The following DENND5A variants were observed in gnomAD, a reference collection of about 807,000 sequenced individuals.
DENND5A encodes the protein DENN domain-containing protein 5A.
Under a neutral mutation model 140.3 loss-of-function variants are expected in DENND5A, and 64 were observed. That is an observed-to-expected ratio of 0.46 (90% CI 0.37 to 0.56). The LOEUF is 0.56. Among genes scored for constraint, DENND5A ranks in the 20% least tolerant of loss-of-function variants. The pLI is 0.00. For missense variants in DENND5A, 1,292 were observed against 1,593.8 expected (o/e 0.81, Z 3.22); for synonymous variants, 605 against 607.7 (o/e 1.00, Z 0.07).
chr11:9,261,295 G>A (rs187102700), intron 1 of DENND5A, among the ~76,000 whole-genome samples: 1 of 152,166 alleles, frequency 6.6e-6, no homozygotes, highest in East Asian at 1.9e-4. Flanking sequence ...TAAGTTAACT[G>A]TGTGGAGTGC....
chr11:9,149,977 G>A, intron 15 of DENND5A, 104 bp downstream of exon 15: 2 of 1,446,462 alleles, frequency 1.4e-6, no homozygotes, highest in Non-Finnish European at 1.8e-6. Flanking sequence ...TTAGCTGAAT[G>A]CAGCAGCAAT....
At chr11:9,162,296 T>C (rs1020257507) in intron 11 of DENND5A, among the ~76,000 whole-genome samples, 1 of 138,302 alleles carries the variant, frequency 7.2e-6, no homozygotes, top group Non-Finnish European at 1.5e-5. Flanking sequence ...TGGAGTGCAA[T>C]GGCACAATCT....
chr11:9,246,340 G>A (rs1181884459), intron 1 of DENND5A, among the ~76,000 whole-genome samples: 1 of 151,900 alleles, frequency 6.6e-6, no homozygotes, highest in Non-Finnish European at 1.5e-5. Context: ...GGGCCAGGTG[G>A]GGTGGCTCAT....
intron 4 of DENND5A, among the ~76,000 whole-genome samples, chr11:9,200,662 A>G (rs76134409): frequency 6.6e-6 from 1 of 152,228 alleles, no homozygotes; most frequent in Non-Finnish European, 1.5e-5. Context: ...AGTTCAACAT[A>G]GTTTCCATTA....
rs144845689 is a variant in DENND5A, at chr11:9,195,174, G to A, written c.950-1493C>T. On this transcript the variant is annotated intron_variant, in intron 4 of 22. Transcript: ENST00000328194. ...CTCAGCTCCACAACCTCCACCTCCC[G>A]GGTTTAAGCGATTCTCCTGCCTCAG... Among the ~76,000 whole-genome samples, 60 of 150,596 alleles carry A rather than the reference G, an allele frequency of 4.0e-4. No homozygotes were observed. The East Asian group carries it at 0.011, about 27-fold the overall frequency.
intron 5 of DENND5A, among the ~76,000 whole-genome samples, chr11:9,183,439 C>CTT (rs149988674): frequency 6.9e-6 from 1 of 144,362 alleles, no homozygotes; most frequent in Non-Finnish European, 1.5e-5. Context: ...AGGTTTTTAA[C>CTT]TTTTTTTTTT....
At chr11:9,261,671 C>G (rs796985874) in intron 1 of DENND5A, among the ~76,000 whole-genome samples, 8 of 149,382 alleles carry the variant, frequency 5.4e-5, no homozygotes, top group African/African-American at 2.0e-4. Flanking sequence ...ATCCCAGCTA[C>G]TCGGGAGGCT....
chr11:9,224,656 C>T (rs1252760451), intron 1 of DENND5A, among the ~76,000 whole-genome samples: 5 of 151,864 alleles, frequency 3.3e-5, no homozygotes, highest in Non-Finnish European at 7.4e-5. Flanking sequence ...GTCAGGAGTT[C>T]GAGACCAGCC....
At chr11:9,234,612 G>A (rs1235477547) in intron 1 of DENND5A, among the ~76,000 whole-genome samples, 3 of 152,152 alleles carry the variant, frequency 2.0e-5, no homozygotes, top group Non-Finnish European at 4.4e-5. Flanking sequence ...TGACGCCCAC[G>A]CTAAAGGTTA....
At chr11:9,169,999 A>C in intron 9 of DENND5A, 50 bp from the exon 10 acceptor site, 1 of 1,319,538 alleles carries the variant, frequency 7.6e-7, no homozygotes, top group Non-Finnish European at 1.1e-6. Context: ...TCACTTAAAA[A>C]GCAATGTCAA....
At chr11:9,188,602 G>A (rs1196207833) in intron 5 of DENND5A, among the ~76,000 whole-genome samples, 1 of 152,196 alleles carries the variant, frequency 6.6e-6, no homozygotes, top group Non-Finnish European at 1.5e-5. Context: ...CCAGGCTGAG[G>A]TGGTTTCAGA....
intron 12 of DENND5A, among the ~76,000 whole-genome samples, chr11:9,154,425 T>G (rs1847736597): frequency 6.6e-6 from 1 of 152,150 alleles, no homozygotes; most frequent in African/African-American, 2.4e-5. Context: ...TGAGGAAAAT[T>G]TTGTGCTATG....
intron 15 of DENND5A, among the ~76,000 whole-genome samples, chr11:9,149,837 T>A (rs1847553463): frequency 6.6e-6 from 1 of 152,198 alleles, no homozygotes; most frequent in African/African-American, 2.4e-5. Flanking sequence ...TCCTTCCCAC[T>A]ACCTCTCCAA....
At chr11:9,150,038 C>T (rs773418488) in intron 15 of DENND5A, 43 bp downstream of exon 15, 11 of 1,580,128 alleles carry the variant, frequency 7.0e-6, no homozygotes, top group Non-Finnish European at 9.4e-6. Context: ...CTCTTCCCTC[C>T]ATTCCTGGGA....
intron 6 of DENND5A, 99 bp from the exon 7 acceptor site, chr11:9,179,172 G>T: frequency 9.8e-7 from 1 of 1,017,798 alleles, no homozygotes; most frequent in Non-Finnish European, 1.5e-6. Context: ...TTTTTACAGT[G>T]CTAATTTACT....
intron 5 of DENND5A, among the ~76,000 whole-genome samples, chr11:9,183,149 T>C (rs1848790155): frequency 6.6e-6 from 1 of 152,250 alleles, no homozygotes; most frequent in South Asian, 2.1e-4. Flanking sequence ...AAGCCTTTCA[T>C]ATTTGTATAT....
At chr11:9,206,945 AG>A (rs1045662021) in intron 2 of DENND5A, among the ~76,000 whole-genome samples, 163 bp from the exon 3 acceptor site, 1 of 152,244 alleles carries the variant, frequency 6.6e-6, no homozygotes, top group Admixed American at 6.5e-5. Flanking sequence ...TAAAGTTATT[AG>A]GTCAGTAAAG....
At chr11:9,254,554 G>C (rs745447823) in intron 1 of DENND5A, among the ~76,000 whole-genome samples, 14 of 152,168 alleles carry the variant, frequency 9.2e-5, no homozygotes, top group Admixed American at 5.2e-4. Flanking sequence ...TAAGCCATAA[G>C]ATTTTGAGTT....
chr11:9,265,145 C>T lies in DENND5A; in HGVS notation c.-76G>A, dbSNP rs1375031919. ...GCAACCCGGGCGCCCGCCCGTCCGCCCTCAGGCCGCCCCTCCCGCCGCCGC... is the reference window on the plus strand; with the variant it reads ...GCAACCCGGGCGCCCGCCCGTCCGCTCTCAGGCCGCCCCTCCCGCCGCCGC... On this transcript the variant is annotated 5_prime_UTR_variant, in exon 1 of 23. Transcript: ENST00000328194. This position sits in a 1 kb window ranked among gnomAD's most constrained non-coding sequence, Gnocchi z 4.7. The T allele has an allele frequency of 7.0e-6, 6 of 851,866 alleles. No homozygotes were observed. The highest frequency in any genetic ancestry group is 8.7e-6 in the Non-Finnish European group (6 of 689,710). The allele number at this position is 851,866 out of a possible 1,614,324, so 52.8% of individuals were successfully genotyped here.
Sources: gnomAD v4.1 joint callset for allele counts (sites outside exome capture counted in the v4.1 genomes callset) on GRCh38, gnomAD v4.1.1 for gene constraint, Gnocchi (gnomAD v3.1) non-coding constraint, MANE v1.5 for transcripts, NCBI Gene and HGNC (gene_info 2026-07-23, HGNC 2026-07-21) for gene names.